KIF5C: variants seen among roughly 807,000 people sequenced by gnomAD.
KIF5C encodes kinesin heavy chain isoform 5C.
In KIF5C, 18 loss-of-function variants were observed where a neutral mutation model predicts 125.2. The observed-to-expected ratio is 0.14, with a 90% CI of 0.10 to 0.21. KIF5C has a LOEUF of 0.21. Among genes scored for constraint, KIF5C ranks in the 10% least tolerant of loss-of-function variants. The pLI, the probability that KIF5C is intolerant of heterozygous loss-of-function variation, is 1.00. For synonymous variants in KIF5C, 405 were observed against 434.0 expected (o/e 0.93, Z 0.83); for missense variants, 780 against 1,183.8 (o/e 0.66, Z 5.01).
chr2:148,933,427 A>C (rs1483620619), intron 3 of KIF5C, among the ~76,000 whole-genome samples: 1 of 151,880 alleles, frequency 6.6e-6, no homozygotes, highest in African/African-American at 2.4e-5. Flanking sequence ...ACACACACAG[A>C]AACAGCACAC....
intron 16 of KIF5C, among the ~76,000 whole-genome samples, chr2:148,994,174 G>C (rs527895110): frequency 6.6e-6 from 1 of 152,246 alleles, no homozygotes. Context: ...TAACTGGATG[G>C]TGAGGAGGGG....
At position 148,998,501 on chromosome 2, in the gene KIF5C, G is replaced by A. The variant is rs1016290527; in HGVS notation, c.2202G>A (p.Glu734=). 6 of 1,556,046 alleles carry A rather than the reference G, an allele frequency of 3.9e-6. No homozygotes were observed. In the African/African-American group the frequency reaches 6.8e-5, roughly 18 times the overall value. ...EIEEKQKIID[E]IRDLNQKLQL... Reference sequence around the variant, plus strand: ...AGGAGAAGCAGAAAATCATTGATGAGATTCGGGAGTGAGTCGGCCCAGGGC... The same window carrying A: ...AGGAGAAGCAGAAAATCATTGATGAAATTCGGGAGTGAGTCGGCCCAGGGC... The change falls in exon 19 of 26, where the codon GAG becomes GAA. Residue 734 remains glutamate, a synonymous_variant. Transcript: ENST00000435030.
Position 148,876,654 on chromosome 2 carries a change from G to A in KIF5C, c.126+911G>A, listed in dbSNP as rs1274693343. Among the ~76,000 whole-genome samples, 1 of 151,996 alleles carries A rather than the reference G, an allele frequency of 6.6e-6. No homozygotes were observed. The highest frequency in any genetic ancestry group is 1.5e-5 in the Non-Finnish European group (1 of 67,988). Reference sequence around the variant, plus strand: ...CTACTTAGCTCCCTCTCTGCAGCTGGGGCTGCTGGTAGGGGGAGGGAACAC... The same window carrying A: ...CTACTTAGCTCCCTCTCTGCAGCTGAGGCTGCTGGTAGGGGGAGGGAACAC... On this transcript the variant is annotated intron_variant, in intron 1 of 25. Transcript: ENST00000435030. This position sits in a 1 kb window ranked among gnomAD's most constrained non-coding sequence, Gnocchi z 4.7.
chr2:148,987,103 A>G (rs1331418590), intron 15 of KIF5C, among the ~76,000 whole-genome samples: 1 of 152,202 alleles, frequency 6.6e-6, no homozygotes, highest in Non-Finnish European at 1.5e-5. Context: ...GCCAGAAGCC[A>G]GAAAGAAGCA....
At chr2:148,965,772 T>G (rs950876542) in intron 11 of KIF5C, among the ~76,000 whole-genome samples, 1 of 152,332 alleles carries the variant, frequency 6.6e-6, no homozygotes, top group South Asian at 2.1e-4. Flanking sequence ...AGCTGCGATC[T>G]GAACTGAGTG....
At chr2:148,939,285 C>G (rs1273914543) in intron 4 of KIF5C, among the ~76,000 whole-genome samples, 1 of 152,160 alleles carries the variant, frequency 6.6e-6, no homozygotes, top group Non-Finnish European at 1.5e-5. Flanking sequence ...ACTGTTTGCC[C>G]AACTATAAAT....
In KIF5C at chr2:149,010,291, C is replaced by T. The variant is rs1017774533; in HGVS notation, c.2707C>T (p.Arg903Cys). 3.1e-6 allele frequency: 5 copies of T among 1,596,944 alleles called. No homozygotes were observed. The highest frequency in any genetic ancestry group is 4.3e-6 in the Non-Finnish European group (5 of 1,172,090). The stretch of plus-strand genomic sequence containing the variant: ...TAAGCGCTACCAGCAGGAGGTGGAT[C>T]GTATCAAGGAGGCCGTGCGGGCCAA... The part of the protein sequence containing the change: ...DRKRYQQEVD[R>C]IKEAVRAKNM... The change falls in exon 24 of 26, where the codon CGT becomes TGT. Residue 903 changes from arginine (R) to cysteine (C), a missense_variant. Around this residue, in one of 2 missense-constraint regions of KIF5C, gnomAD observed 573 missense variants for 742.6 expected, o/e 0.77. Coordinates refer to ENST00000435030, the MANE Select transcript of KIF5C (RefSeq NM_004522.3).
chr2:148,900,699 G>A (rs1296272052), intron 1 of KIF5C, among the ~76,000 whole-genome samples: 1 of 152,190 alleles, frequency 6.6e-6, no homozygotes, highest in Non-Finnish European at 1.5e-5. Flanking sequence ...AAAGGGTTTG[G>A]CAAATATTTA....
intron 2 of KIF5C, among the ~76,000 whole-genome samples, chr2:148,927,406 G>C (rs1486467530): frequency 6.6e-6 from 1 of 152,068 alleles, no homozygotes; most frequent in African/African-American, 2.4e-5. Context: ...TGGCAACTTC[G>C]GTGCTGTTCT....
At chr2:148,935,629 A>T (rs1254993551) in intron 3 of KIF5C, among the ~76,000 whole-genome samples, 1 of 152,224 alleles carries the variant, frequency 6.6e-6, no homozygotes, top group Non-Finnish European at 1.5e-5. Flanking sequence ...TTTCTTTCCT[A>T]AGATATATAT....
chr2:148,983,005 T>C (rs892756771), intron 14 of KIF5C, among the ~76,000 whole-genome samples: 14 of 152,192 alleles, frequency 9.2e-5, no homozygotes, highest in Non-Finnish European at 1.8e-4. Flanking sequence ...GACAAGAAAA[T>C]AGAGCTTCTG....
Position 148,996,539 on chromosome 2 carries a change from A to T in KIF5C, c.2024-725A>T, listed in dbSNP as rs951762338. 2.0e-5 allele frequency among the ~76,000 whole-genome samples: 3 copies of T among 152,308 alleles called. No individual in the cohort carries two copies. In the South Asian group the frequency reaches 6.2e-4, roughly 32 times the overall value. ...TGGAACAGACTAGAGAGAAATAATG[A>T]ATTGAATGTCACTGTCGTAAAGCAC... On this transcript the variant is annotated intron_variant, in intron 17 of 25. Coordinates refer to ENST00000435030, the MANE Select transcript of KIF5C (RefSeq NM_004522.3).
intron 4 of KIF5C, among the ~76,000 whole-genome samples, chr2:148,938,857 G>A (rs1394448740): frequency 2.0e-5 from 3 of 151,938 alleles, no homozygotes; most frequent in South Asian, 2.1e-4. Flanking sequence ...AGGTTGAGGC[G>A]GGCAGATTGC....
At chr2:148,877,104 G>A (rs1444974435) in intron 1 of KIF5C, 2 of 152,300 alleles carry the variant, frequency 1.3e-5, no homozygotes, top group South Asian at 2.1e-4. Context: ...TGCCAAGGTT[G>A]TCTGCCGCAG....
chr2:148,962,017 G>A lies in KIF5C; in HGVS notation c.1015G>A (p.Ala339Thr). ...AGTCTCTGTGAACCTAGAACTGACA[G>A]CAGAAGAATGGAAGAAGAAATATGA... is the stretch of plus-strand genomic sequence containing the variant. ...NTVSVNLELTAEEWKKKYEKE... is the reference protein window; with the variant it reads ...NTVSVNLELTTEEWKKKYEKE... The change falls in exon 11 of 26, where the codon GCA becomes ACA. Residue 339 changes from alanine (A) to threonine (T), a missense_variant. Transcript: ENST00000435030. 1.2e-6 allele frequency: 2 copies of A among 1,613,942 alleles called. No homozygotes were observed. The highest frequency in any genetic ancestry group is 1.7e-6 in the Non-Finnish European group (2 of 1,179,892).
At chr2:148,997,512 T>A in intron 18 of KIF5C, 172 bp downstream of exon 18, 1 of 1,246,196 alleles carries the variant, frequency 8.0e-7, no homozygotes, top group Non-Finnish European at 1.1e-6. Context: ...GGCTTAGAAA[T>A]GAACAAGTCC....
At chr2:148,882,630 T>G (rs1395764888) in intron 1 of KIF5C, among the ~76,000 whole-genome samples, 1 of 152,152 alleles carries the variant, frequency 6.6e-6, no homozygotes, top group Non-Finnish European at 1.5e-5. Context: ...CCCAAATGCC[T>G]GGGGAGACTG....
At chr2:148,922,788 C>A (rs919558162) in intron 2 of KIF5C, among the ~76,000 whole-genome samples, 10 of 152,180 alleles carry the variant, frequency 6.6e-5, no homozygotes, top group African/African-American at 1.9e-4. Flanking sequence ...TTCTCCTAAC[C>A]CATTTTCAAC....
At chr2:148,973,214 T>C in intron 11 of KIF5C, 122 bp from the exon 12 acceptor site, 1 of 1,374,028 alleles carries the variant, frequency 7.3e-7, no homozygotes, top group Non-Finnish European at 9.7e-7. Flanking sequence ...CTACCCACAC[T>C]ACAGCCCTTT....
Sources: allele counts gnomAD v4.1 joint callset (sites outside exome capture counted in the v4.1 genomes callset), GRCh38; gene constraint gnomAD v4.1.1; regional missense constraint gnomAD v4.1.1; non-coding constraint Gnocchi (gnomAD v3.1); transcripts MANE v1.5; gene names NCBI Gene and HGNC (gene_info 2026-07-23, HGNC 2026-07-21).